Variants in LYRM4 observed in about 807,000 individuals in gnomAD.
The protein encoded by LYRM4 is LYR motif-containing protein 4.
LYRM4 carries 9 observed loss-of-function variants against 11.7 expected under a neutral mutation model. That is an observed-to-expected ratio of 0.77 (90% CI 0.46 to 1.34). LYRM4 has a LOEUF of 1.34. Ranked by LOEUF, LYRM4 falls within the 40% of genes most tolerant of loss-of-function variation. The pLI is 0.00. For missense variants in LYRM4, 133 were observed against 112.5 expected, an observed-to-expected ratio of 1.18 and a Z score of -0.82; for synonymous variants, 42 against 40.4, an observed-to-expected ratio of 1.04 and a Z score of -0.15.
At chr6:5,040,185 G>A in the LYRM4 span, among the ~76,000 whole-genome samples, 2 of 151,974 alleles carry the variant, frequency 1.3e-5, no homozygotes, top group African/African-American at 4.8e-5. Context: ...TGAGCATGGT[G>A]GCGCACGCCT....
the LYRM4 span, among the ~76,000 whole-genome samples, chr6:5,062,983 C>T: frequency 3.3e-5 from 5 of 152,200 alleles, no homozygotes; most frequent in Admixed American, 1.3e-4. Flanking sequence ...TCAAGTGGAC[C>T]GTGGTGGAGG....
intron 1 of LYRM4, among the ~76,000 whole-genome samples, chr6:5,217,902 C>T (rs1400803185): frequency 1.3e-5 from 2 of 152,150 alleles, no homozygotes; most frequent in East Asian, 1.9e-4. Context: ...ATGTGAGACA[C>T]CATTTTCTCT....
At chr6:5,156,163 G>T (rs1758400016) in intron 2 of LYRM4, among the ~76,000 whole-genome samples, 1 of 152,210 alleles carries the variant, frequency 6.6e-6, no homozygotes, top group East Asian at 1.9e-4. Context: ...CTCTGAAGAG[G>T]AAGACTGTGT....
At chr6:5,215,686 GATT>G (rs557793061) in intron 2 of LYRM4, among the ~76,000 whole-genome samples, 37 of 152,178 alleles carry the variant, frequency 2.4e-4, no homozygotes, top group Non-Finnish European at 4.4e-4. Flanking sequence ...GTCAGGGAAA[GATT>G]ATTATCTAAT....
At chr6:5,144,005 C>A in intron 2 of LYRM4, 2 of 1,073,198 alleles carry the variant, frequency 1.9e-6, no homozygotes, top group Non-Finnish European at 2.6e-6. Context: ...AGGTCTAATT[C>A]CCAAGGCTCA....
At chr6:5,090,937 G>A in the LYRM4 span, among the ~76,000 whole-genome samples, 1 of 152,168 alleles carries the variant, frequency 6.6e-6, no homozygotes, top group Non-Finnish European at 1.5e-5. The surrounding 1 kb of genome is among the most constrained non-coding windows in gnomAD (Gnocchi z 4.8). Context: ...TTGGTGCCAT[G>A]TGTTCTTTAT....
chr6:5,076,543 G>A, the LYRM4 span, among the ~76,000 whole-genome samples: 4 of 152,184 alleles, frequency 2.6e-5, no homozygotes, highest in Admixed American at 6.5e-5. Context: ...CTCAACTCCA[G>A]CTGGCTGAAA....
chr6:5,160,025 C>T (rs892272522), intron 2 of LYRM4, among the ~76,000 whole-genome samples: 7 of 152,182 alleles, frequency 4.6e-5, no homozygotes, highest in African/African-American at 1.7e-4. Flanking sequence ...CTGATCTTCT[C>T]AATGCAGAAG....
chr6:5,119,197 G>A (rs1405236440), intron 2 of LYRM4, among the ~76,000 whole-genome samples: 1 of 152,168 alleles, frequency 6.6e-6, no homozygotes, highest in Admixed American at 6.5e-5. Flanking sequence ...CTGTGTTGTT[G>A]CTGGCAGAGT....
At chr6:5,113,662 C>T (rs1762986190) in intron 2 of LYRM4, among the ~76,000 whole-genome samples, 1 of 152,158 alleles carries the variant, frequency 6.6e-6, no homozygotes, top group African/African-American at 2.4e-5. Context: ...CTTCTGATCT[C>T]TGTCCAGTGC....
chr6:5,132,419 C>A (rs867132690), intron 2 of LYRM4, among the ~76,000 whole-genome samples: 1 of 152,068 alleles, frequency 6.6e-6, no homozygotes. Context: ...TTAAAAAAAA[C>A]AAAAACAAAA....
rs759428581 is a variant in LYRM4 at position 5,109,417 on chromosome 6, G to A, written c.*6C>T. The A allele has an allele frequency of 5.0e-6, 8 of 1,613,976 alleles. No individual in the cohort carries two copies. Among genetic ancestry groups the A allele is most frequent in the Middle Eastern group, 1.7e-4 (1 of 6,038 alleles). On this transcript the variant is annotated 3_prime_UTR_variant, in exon 3 of 3. Coordinates refer to ENST00000330636, the MANE Select transcript of LYRM4 (RefSeq NM_020408.6). Reference sequence around the variant, plus strand: ...TGGCCGCCACTGGTGGCTGGTCCCCGGCTTGCTAGGTCCTGGGCATGTCTC... The same window carrying A: ...TGGCCGCCACTGGTGGCTGGTCCCCAGCTTGCTAGGTCCTGGGCATGTCTC...
intron 2 of LYRM4, among the ~76,000 whole-genome samples, chr6:5,181,000 A>C (rs1045978758): frequency 5.9e-5 from 9 of 152,222 alleles, no homozygotes; most frequent in African/African-American, 1.9e-4. Context: ...AATACATCTT[A>C]ATCCTACAAT....
At chr6:5,117,503 C>T (rs369699518) in intron 2 of LYRM4, among the ~76,000 whole-genome samples, 2 of 150,624 alleles carry the variant, frequency 1.3e-5, no homozygotes, top group African/African-American at 4.9e-5. Flanking sequence ...TGCAGTGAGC[C>T]GAGATCGCAC....
chr6:5,218,647 T>C (rs1398516790), intron 1 of LYRM4, among the ~76,000 whole-genome samples: 1 of 152,192 alleles, frequency 6.6e-6, no homozygotes, highest in East Asian at 1.9e-4. Flanking sequence ...GAGGAGCTGC[T>C]GAGCGCTCAG....
chr6:5,197,261 G>C (rs573463583), intron 2 of LYRM4, among the ~76,000 whole-genome samples: 2 of 152,188 alleles, frequency 1.3e-5, no homozygotes, highest in Non-Finnish European at 2.9e-5. Flanking sequence ...TCAAGACTAT[G>C]ACACACTGAG....
At chr6:5,164,150 G>C (rs1199478815) in intron 2 of LYRM4, among the ~76,000 whole-genome samples, 3 of 152,146 alleles carry the variant, frequency 2.0e-5, no homozygotes, top group African/African-American at 4.8e-5. Flanking sequence ...ATGCATTTTG[G>C]CATAACCACT....
At chr6:5,253,970 C>T (rs566157870) in intron 1 of LYRM4, among the ~76,000 whole-genome samples, 1 of 152,274 alleles carries the variant, frequency 6.6e-6, no homozygotes, top group South Asian at 2.1e-4. Context: ...AGCTCAGTGG[C>T]TGGACCAAGA....
At chr6:5,223,689 A>G (rs913946789) in intron 1 of LYRM4, among the ~76,000 whole-genome samples, 2 of 152,380 alleles carry the variant, frequency 1.3e-5, no homozygotes, top group Middle Eastern at 6.8e-3. Flanking sequence ...CAAATGGACG[A>G]GAGCATTTCA....
Sources: gnomAD v4.1 joint callset for allele counts (sites outside exome capture counted in the v4.1 genomes callset) on GRCh38, gnomAD v4.1.1 for gene constraint, Gnocchi (gnomAD v3.1) non-coding constraint, MANE v1.5 for transcripts, NCBI Gene and HGNC (gene_info 2026-07-23, HGNC 2026-07-21) for gene names.